Variants in PDE4D observed in about 807,000 individuals in gnomAD.
PDE4D encodes 3',5'-cyclic-AMP phosphodiesterase 4D.
Under a neutral mutation model 87.4 loss-of-function variants are expected in PDE4D, and 24 were observed. The observed-to-expected ratio is 0.27, with a 90% CI of 0.20 to 0.39. The LOEUF is 0.39. Ranked by LOEUF, PDE4D falls within the 10% of genes least tolerant of loss-of-function variation. The pLI is 1.00. For synonymous variants in PDE4D, 384 were observed against 383.2 expected (o/e 1.00, Z -0.02); for missense variants, 714 against 1,041.0 (o/e 0.69, Z 4.32).
chr5:59,385,234 A>G (rs986023443), intron 1 of PDE4D, among the ~76,000 whole-genome samples: 1 of 152,134 alleles, frequency 6.6e-6, no homozygotes, highest in African/African-American at 2.4e-5. Context: ...ATTGGATCTC[A>G]TGATTTCCTT....
chr5:59,548,868 C>G (rs957005783), intron 1 of PDE4D, among the ~76,000 whole-genome samples: 1 of 152,086 alleles, frequency 6.6e-6, no homozygotes, highest in African/African-American at 2.4e-5. Flanking sequence ...CCATGACACC[C>G]CACTAGAACT....
intron 1 of PDE4D, among the ~76,000 whole-genome samples, chr5:59,364,341 G>C (rs368135733): frequency 1.5e-4 from 23 of 151,960 alleles, no homozygotes; most frequent in African/African-American, 5.6e-4. Context: ...GAAAACTTTA[G>C]CTTACCTCTA....
chr5:59,652,678 C>T (rs1743704469), intron 1 of PDE4D, among the ~76,000 whole-genome samples: 1 of 152,148 alleles, frequency 6.6e-6, no homozygotes, highest in Non-Finnish European at 1.5e-5. Flanking sequence ...ATTGTTTACT[C>T]ATTCTTTTTC....
At position 59,109,210 on chromosome 5, in the gene PDE4D, C is replaced by T. The variant is rs534554803; in HGVS notation, c.809-70239G>A. Among the ~76,000 whole-genome samples the T allele has an allele frequency of 5.9e-5, 9 of 152,052 alleles. No homozygotes were observed. The South Asian group carries it at 1.0e-3, about 18-fold the overall frequency. ...GGGGCATTAATCATTAAAAAAAATT[C>T]GTTAAATCCTGTATGTGCCATACAT... On this transcript the variant is annotated intron_variant, in intron 5 of 14. Transcript: ENST00000340635.
At chr5:60,228,946 G>T (rs549243255) in intron 1 of PDE4D, among the ~76,000 whole-genome samples, 1 of 152,152 alleles carries the variant, frequency 6.6e-6, no homozygotes, top group African/African-American at 2.4e-5. Context: ...CAAATAGTGA[G>T]AATGGCTATG....
At chr5:60,014,117 C>T (rs1194288706) in intron 2 of PDE4D, among the ~76,000 whole-genome samples, 2 of 143,762 alleles carry the variant, frequency 1.4e-5, no homozygotes, top group African/African-American at 5.2e-5. Flanking sequence ...AAAAAAAAGT[C>T]TGACCAGTCT....
intron 2 of PDE4D, among the ~76,000 whole-genome samples, chr5:60,135,722 A>G (rs1241781483): frequency 6.6e-6 from 1 of 152,322 alleles, no homozygotes; most frequent in East Asian, 1.9e-4. Flanking sequence ...AGGTCAGGGG[A>G]TGAAAGTAAA....
At chr5:60,363,363 C>A (rs1760247203) in intron 1 of PDE4D, among the ~76,000 whole-genome samples, 1 of 152,158 alleles carries the variant, frequency 6.6e-6, no homozygotes, top group Non-Finnish European at 1.5e-5. Flanking sequence ...TACCCTCGAA[C>A]CCTATTCTTT....
chr5:60,392,698 A>G (rs957331669), intron 1 of PDE4D, among the ~76,000 whole-genome samples: 3 of 152,196 alleles, frequency 2.0e-5, no homozygotes, highest in Admixed American at 1.3e-4. Flanking sequence ...TTCATTTTCT[A>G]GCCTTTTGTT....
chr5:60,171,922 A>T (rs971123225), intron 2 of PDE4D, among the ~76,000 whole-genome samples: 2 of 151,702 alleles, frequency 1.3e-5, no homozygotes, highest in African/African-American at 4.8e-5. Context: ...TAAAATTTTG[A>T]GACTTTTTCC....
At chr5:59,770,856 G>C (rs1390096993) in intron 1 of PDE4D, among the ~76,000 whole-genome samples, 1 of 152,148 alleles carries the variant, frequency 6.6e-6, no homozygotes, top group Admixed American at 6.5e-5. Flanking sequence ...GCTTGGCCAG[G>C]TGTGGTGGCT....
intron 1 of PDE4D, among the ~76,000 whole-genome samples, chr5:59,867,983 C>T (rs999976599): frequency 1.3e-5 from 2 of 152,060 alleles, no homozygotes; most frequent in African/African-American, 4.8e-5. Flanking sequence ...TACTGAAGAT[C>T]GTGTGCTTGT....
At chr5:60,202,442 C>T (rs1742025212) in intron 1 of PDE4D, among the ~76,000 whole-genome samples, 1 of 152,158 alleles carries the variant, frequency 6.6e-6, no homozygotes, top group East Asian at 1.9e-4. Context: ...ACTGGGATTA[C>T]AGGTGTGAGT....
At chr5:58,982,155 A>C (rs1045733842) in intron 11 of PDE4D, among the ~76,000 whole-genome samples, 2 of 152,174 alleles carry the variant, frequency 1.3e-5, no homozygotes, top group African/African-American at 4.8e-5. Context: ...CACTGGGGGT[A>C]ATTATGAGTC....
chr5:59,506,181 TTTCACATTAC>T lies in PDE4D; in HGVS notation c.456-290223_456-290214del, dbSNP rs1051085890. Among the ~76,000 whole-genome samples, 33 of 152,268 alleles carry T rather than the reference TTTCACATTAC, an allele frequency of 2.2e-4. 1 individual carries two copies. The highest frequency in any genetic ancestry group is 3.4e-3 in the Middle Eastern group (1 of 294). ...TGATTTGCTAAATTAATATAAATGG[TTTCACATTAC>T]AAGTAAGGTAAGTATTTTAAAATAC... On this transcript the variant is annotated intron_variant, in intron 1 of 14. Coordinates refer to ENST00000340635, the MANE Select transcript of PDE4D (RefSeq NM_001104631.2).
chr5:59,684,607 A>G (rs1034449533), intron 1 of PDE4D, among the ~76,000 whole-genome samples: 7 of 152,184 alleles, frequency 4.6e-5, no homozygotes, highest in Non-Finnish European at 1.0e-4. Context: ...GAAAGAACCA[A>G]GATCTAACAG....
intron 3 of PDE4D, among the ~76,000 whole-genome samples, chr5:59,949,434 CAAAAAAA>C (rs59654913): frequency 3.5e-5 from 2 of 57,596 alleles, no homozygotes; most frequent in East Asian, 5.7e-4. Context: ...CTCCGTCTCA[CAAAAAAA>C]AAAAAAAAAA....
At chr5:60,219,941 T>C (rs1025347335) in intron 1 of PDE4D, among the ~76,000 whole-genome samples, 2 of 152,186 alleles carry the variant, frequency 1.3e-5, no homozygotes, top group South Asian at 4.1e-4. Context: ...CAGATTTATG[T>C]TCTGGCACAA....
intron 2 of PDE4D, among the ~76,000 whole-genome samples, chr5:60,047,665 T>C (rs1769467545): frequency 6.6e-6 from 1 of 152,182 alleles, no homozygotes; most frequent in Admixed American, 6.5e-5. Flanking sequence ...AGTTTCCATG[T>C]AGTTGAGCGG....
Sources: allele counts gnomAD v4.1 joint callset (sites outside exome capture counted in the v4.1 genomes callset), GRCh38; gene constraint gnomAD v4.1.1; transcripts MANE v1.5; gene names NCBI Gene and HGNC (gene_info 2026-07-23, HGNC 2026-07-21).